Variants in ANK2 observed in about 807,000 individuals in gnomAD.
ANK2 encodes ankyrin-2.
In ANK2, 83 loss-of-function variants were observed where a neutral mutation model predicts 360.5. That is an observed-to-expected ratio of 0.23 (90% CI 0.19 to 0.28). The LOEUF is 0.28. Ranked by LOEUF, ANK2 falls within the 10% of genes least tolerant of loss-of-function variation. The probability of loss-of-function intolerance (pLI) is 1.00; values close to 1 mark genes in which losing one functional copy is unlikely to be tolerated. For synonymous variants in ANK2, 1,740 were observed against 1,759.5 expected (o/e 0.99, Z 0.28); for missense variants, 4,201 against 4,795.7 (o/e 0.88, Z 3.66).
At chr4:113,013,118 A>G (rs564288110) in intron 2 of ANK2, among the ~76,000 whole-genome samples, 1 of 152,316 alleles carries the variant, frequency 6.6e-6, no homozygotes, top group South Asian at 2.1e-4. Context: ...TTTTAAAGTG[A>G]TCCTAGCTAG....
chr4:112,883,018 C>CTTTTTTTTTTTT (rs536262490), intron 1 of ANK2, among the ~76,000 whole-genome samples: 1 of 30,524 alleles, frequency 3.3e-5, no homozygotes, highest in African/African-American at 1.0e-4. Flanking sequence ...CTTGGTTAGT[C>CTTTTTTTTTTTT]TTTTTTTTTT....
At chr4:112,833,735 C>T (rs1043103458) in intron 1 of ANK2, among the ~76,000 whole-genome samples, 2 of 152,186 alleles carry the variant, frequency 1.3e-5, no homozygotes, top group Non-Finnish European at 2.9e-5. Flanking sequence ...GATCTCCTGA[C>T]CTCGTGATCC....
At chr4:112,907,873 C>G (rs750438141) in intron 2 of ANK2, among the ~76,000 whole-genome samples, 1 of 152,088 alleles carries the variant, frequency 6.6e-6, no homozygotes, top group Non-Finnish European at 1.5e-5. Context: ...TACCAAAGTT[C>G]GTTAATGTGG....
chr4:113,326,835 C>T (rs528319212), intron 26 of ANK2, among the ~76,000 whole-genome samples: 1 of 152,232 alleles, frequency 6.6e-6, no homozygotes, highest in South Asian at 2.1e-4. Flanking sequence ...GACCCCATCT[C>T]TGAAAACAAA....
At chr4:112,898,048 T>C (rs2150793819) in intron 1 of ANK2, among the ~76,000 whole-genome samples, 1 of 152,282 alleles carries the variant, frequency 6.6e-6, no homozygotes, top group Admixed American at 6.5e-5. Flanking sequence ...GCCAACCATC[T>C]TTATCAATAG....
rs1418005876 is a variant in ANK2 at position 113,353,727 on chromosome 4, A to G, written c.5109A>G (p.Pro1703=). 17 of 1,613,852 alleles carry G rather than the reference A, an allele frequency of 1.1e-5. No individual in the cohort carries two copies. Among genetic ancestry groups the G allele is most frequent in the Non-Finnish European group, 1.2e-5 (14 of 1,179,952 alleles). Residue 1703 remains proline, a synonymous_variant, in exon 38 of 46, where the codon CCA becomes CCG. Transcript: ENST00000357077. ...AACCAAGCTTGGGAATAAAGAAGCC[A>G]GTAAGAAGGAAATTAAAAGAAAAGC... is the stretch of plus-strand genomic sequence containing the variant. The part of the protein sequence containing the change: ...QHKPSLGIKK[P]VRRKLKEKQK...
chr4:113,372,141 C>T (rs1238833710), intron 43 of ANK2, among the ~76,000 whole-genome samples: 1 of 152,162 alleles, frequency 6.6e-6, no homozygotes, highest in Non-Finnish European at 1.5e-5. Flanking sequence ...TAATTCCAAG[C>T]CTAAGCACCA....
At chr4:112,960,662 A>T (rs1486975693) in intron 2 of ANK2, among the ~76,000 whole-genome samples, 1 of 152,182 alleles carries the variant, frequency 6.6e-6, no homozygotes, top group African/African-American at 2.4e-5. Flanking sequence ...CTGCTTTCTT[A>T]ATAAATTTAT....
the ANK2 span, among the ~76,000 whole-genome samples, chr4:112,718,773 G>T: frequency 6.6e-6 from 1 of 152,082 alleles, no homozygotes; most frequent in Non-Finnish European, 1.5e-5. Flanking sequence ...AAGTGGCTGG[G>T]ATTACAGGCA....
intron 1 of ANK2, among the ~76,000 whole-genome samples, chr4:113,153,961 G>A (rs2097184040): frequency 1.3e-5 from 2 of 152,178 alleles, no homozygotes; most frequent in Non-Finnish European, 2.9e-5. Flanking sequence ...AAGAGTCAGG[G>A]CTGAATATGT....
chr4:113,084,886 C>T (rs981019527), intron 1 of ANK2, among the ~76,000 whole-genome samples: 3 of 152,172 alleles, frequency 2.0e-5, no homozygotes, highest in East Asian at 3.8e-4. Context: ...TCTCAATGAG[C>T]CTCTGAGAGA....
At chr4:112,886,090 A>G (rs1262376865) in intron 1 of ANK2, among the ~76,000 whole-genome samples, 2 of 152,052 alleles carry the variant, frequency 1.3e-5, no homozygotes, top group Non-Finnish European at 2.9e-5. Flanking sequence ...GTCTTTAGAG[A>G]GGATGGCAGT....
Position 113,356,381 on chromosome 4 carries a change from T to A in ANK2, c.7763T>A (p.Met2588Lys). Residue 2588 changes from methionine (M) to lysine (K), a missense_variant, in exon 38 of 46, where the codon ATG (methionine) becomes AAG (lysine). Transcript: ENST00000357077. ...EKKRFTPEEEMFKMVTKIKMF... is the reference protein window; with the variant it reads ...EKKRFTPEEEKFKMVTKIKMF... Reference sequence around the variant, plus strand: ...AAGAGGTTCACACCTGAAGAGGAGATGTTTAAAATGGTAACCAAAATCAAA... The same window carrying A: ...AAGAGGTTCACACCTGAAGAGGAGAAGTTTAAAATGGTAACCAAAATCAAA... 1 of 1,614,118 alleles carries A rather than the reference T, an allele frequency of 6.2e-7. No homozygotes were observed. The highest frequency in any genetic ancestry group is 8.5e-7 in the Non-Finnish European group (1 of 1,179,988).
chr4:112,878,155 C>CATCTATTTATCTATCT (rs2075666477), intron 1 of ANK2, among the ~76,000 whole-genome samples: 1 of 147,532 alleles, frequency 6.8e-6, no homozygotes, highest in African/African-American at 2.6e-5. Context: ...ACTTTAGACT[C>CATCTATTTATCTATCT]ATCTATCTAT....
intron 1 of ANK2, chr4:113,117,141 G>C (rs1178467686): frequency 8.1e-6 from 3 of 371,222 alleles, no homozygotes; most frequent in African/African-American, 2.1e-5. Flanking sequence ...CTAGCTCGGG[G>C]GCGGAGTGGA....
chr4:113,306,351 A>G (rs150362785), intron 23 of ANK2, among the ~76,000 whole-genome samples: 155 of 152,296 alleles, frequency 1.0e-3, no homozygotes, highest in Non-Finnish European at 1.7e-3. Flanking sequence ...TTGAGATAGG[A>G]AAGTACAAGA....
At chr4:112,774,257 T>G in the ANK2 span, among the ~76,000 whole-genome samples, 1 of 151,644 alleles carries the variant, frequency 6.6e-6, no homozygotes, top group Non-Finnish European at 1.5e-5. Flanking sequence ...CTGGGCACGG[T>G]GGCTCACGCC....
chr4:113,088,589 T>G (rs1309304994), intron 1 of ANK2, among the ~76,000 whole-genome samples: 4 of 149,024 alleles, frequency 2.7e-5, no homozygotes, highest in East Asian at 3.9e-4. Context: ...AATTTTTTTG[T>G]TTTTTTTTTC....
chr4:112,983,487 A>G (rs550565022), intron 2 of ANK2, among the ~76,000 whole-genome samples: 10 of 151,906 alleles, frequency 6.6e-5, no homozygotes, highest in Admixed American at 2.0e-4. Flanking sequence ...GACCAGCCTG[A>G]CCAACATGGA....
Sources: allele counts gnomAD v4.1 joint callset (sites outside exome capture counted in the v4.1 genomes callset), GRCh38; gene constraint gnomAD v4.1.1; transcripts MANE v1.5; gene names NCBI Gene and HGNC (gene_info 2026-07-23, HGNC 2026-07-21).